FLT1: variants seen among roughly 807,000 people sequenced by gnomAD.
FLT1 encodes fms related receptor tyrosine kinase 1.
In FLT1, 49 loss-of-function variants were observed where a neutral mutation model predicts 156.3. The ratio of observed to expected loss-of-function variants is 0.31; its 90% CI spans 0.25 to 0.40. The LOEUF (loss-of-function observed/expected upper bound fraction) is 0.40. Ranked by LOEUF, FLT1 falls within the 10% of genes least tolerant of loss-of-function variation. FLT1 has a pLI of 1.00. For missense variants in FLT1, 1,322 were observed against 1,637.2 expected (o/e 0.81, Z 3.32); for synonymous variants, 594 against 583.8 (o/e 1.02, Z -0.25).
intron 10 of FLT1, among the ~76,000 whole-genome samples, chr13:28,424,492 A>T (rs1593777065): frequency 6.6e-6 from 1 of 152,270 alleles, no homozygotes; most frequent in African/African-American, 2.4e-5. Flanking sequence ...AACTATCGGT[A>T]GTTATAATAA....
chr13:28,377,962 TA>T (rs958016118), intron 14 of FLT1, among the ~76,000 whole-genome samples: 2 of 152,118 alleles, frequency 1.3e-5, no homozygotes, highest in South Asian at 2.1e-4. Context: ...GTCTAGTTTT[TA>T]AAAAAAATGC....
At chr13:28,432,536 T>G (rs1216082413) in intron 6 of FLT1, among the ~76,000 whole-genome samples, 9 of 152,182 alleles carry the variant, frequency 5.9e-5, no homozygotes. Context: ...TGTTTTAGAA[T>G]TGCTTCGCCC....
chr13:28,329,990 A>G (rs1249281952), intron 18 of FLT1, among the ~76,000 whole-genome samples: 3 of 152,228 alleles, frequency 2.0e-5, no homozygotes, highest in Non-Finnish European at 4.4e-5. Flanking sequence ...AGTTCTCTTC[A>G]GCAATGCGCT....
chr13:28,327,607 G>A, intron 19 of FLT1, 57 bp from the exon 20 acceptor site: 3 of 1,246,574 alleles, frequency 2.4e-6, no homozygotes, highest in Admixed American at 3.4e-5. Context: ...TCAGCCATTT[G>A]CCAGCCTTCA....
intron 14 of FLT1, among the ~76,000 whole-genome samples, chr13:28,360,455 G>A (rs1207597863): frequency 2.0e-5 from 3 of 152,162 alleles, no homozygotes; most frequent in African/African-American, 7.2e-5. Context: ...ATCAATGGAT[G>A]AATAGATTTT....
intron 10 of FLT1, among the ~76,000 whole-genome samples, chr13:28,407,038 G>A (rs1230942345): frequency 1.3e-5 from 2 of 152,108 alleles, no homozygotes; most frequent in Non-Finnish European, 2.9e-5. Context: ...CTCCTGCAGA[G>A]TACTCACCAC....
chr13:28,462,818 A>G (rs544889309), intron 3 of FLT1, among the ~76,000 whole-genome samples: 2 of 152,280 alleles, frequency 1.3e-5, no homozygotes, highest in Non-Finnish European at 2.9e-5. Context: ...CCACGACCAA[A>G]GTGAACTCAG....
intron 16 of FLT1, among the ~76,000 whole-genome samples, chr13:28,342,007 C>T (rs544791856): frequency 2.6e-4 from 39 of 152,176 alleles, no homozygotes; most frequent in African/African-American, 8.9e-4. Flanking sequence ...TTCAGCTTCC[C>T]GAGTAGCTAG....
At chr13:28,379,424 G>A (rs1290512520) in intron 14 of FLT1, among the ~76,000 whole-genome samples, 2 of 152,192 alleles carry the variant, frequency 1.3e-5, no homozygotes, top group Non-Finnish European at 2.9e-5. Context: ...ACTGAAGGCA[G>A]CCCATGGCCC....
At chr13:28,471,558 T>C (rs1176615250) in intron 1 of FLT1, among the ~76,000 whole-genome samples, 1 of 152,188 alleles carries the variant, frequency 6.6e-6, no homozygotes, top group Non-Finnish European at 1.5e-5. Flanking sequence ...TAGATGTGTA[T>C]GTACGTACCC....
chr13:28,303,463 C>T, intron 29 of FLT1, 95 bp from the exon 30 acceptor site: 1 of 1,004,112 alleles, frequency 1.0e-6, no homozygotes, highest in Non-Finnish European at 1.5e-6. Flanking sequence ...GTCATTTGTT[C>T]ATACCTGTCT....
At chr13:28,399,049 G>A (rs1875256002) in intron 11 of FLT1, 1 of 1,549,302 alleles carries the variant, frequency 6.5e-7, no homozygotes, top group Non-Finnish European at 8.7e-7. Flanking sequence ...TAGAGTCACG[G>A]AAGGAAATGG....
At chr13:28,372,048 G>GTGTGTATATA (rs1288888215) in intron 14 of FLT1, among the ~76,000 whole-genome samples, 8 of 75,584 alleles carry the variant, frequency 1.1e-4, no homozygotes, top group Admixed American at 3.2e-4. Flanking sequence ...GTGTGTGTGT[G>GTGTGTATATA]TATATATATA....
rs7490232 is a variant in FLT1, at chr13:28,473,839, G to A, written c.65-6222C>T. 9.7e-3 allele frequency among the ~76,000 whole-genome samples: 811 copies of A among 83,246 alleles called. 15 individuals are homozygous for A. The highest frequency in any genetic ancestry group is 0.029 in the African/African-American group (534 of 18,480). 54.6% of individuals were successfully genotyped at this position (83,246 alleles called of 152,430 possible). A position where few individuals can be genotyped will look rare whatever the true frequency, so the allele number is the denominator to read the frequency against. On this transcript the variant is annotated intron_variant, in intron 1 of 29. Transcript: ENST00000282397. The stretch of plus-strand genomic sequence containing the variant: ...GAAAGAAAGAAAGAAAGAAAGAAAG[G>A]AAGAAAGAAAGAAAGAAAGAAAGAA...
chr13:28,371,078 A>G (rs1444640450), intron 14 of FLT1, among the ~76,000 whole-genome samples: 1 of 152,222 alleles, frequency 6.6e-6, no homozygotes, highest in African/African-American at 2.4e-5. Context: ...TTTGACATAG[A>G]AAGACCTCCA....
Position 28,466,068 on chromosome 13 carries a change from T to A in FLT1, c.388+835A>T, listed in dbSNP as rs139106579. On this transcript the variant is annotated intron_variant, in intron 3 of 29. Coordinates refer to ENST00000282397, the MANE Select transcript of FLT1 (RefSeq NM_002019.4). ...TGTGTTCTCTACAGCCTTGTTTGTG[T>A]GTGTGCGTTTTTTTCTTTAATCCCC... Among the ~76,000 whole-genome samples, 18 of 152,302 alleles carry A rather than the reference T, an allele frequency of 1.2e-4. 1 individual carries two copies. Among genetic ancestry groups the A allele is most frequent in the Admixed American group, 3.9e-4 (6 of 15,296 alleles).
chr13:28,473,645 A>AAAAGAAAGAAAGAAAGAAAG (rs760581592), intron 1 of FLT1, among the ~76,000 whole-genome samples: 2 of 79,574 alleles, frequency 2.5e-5, no homozygotes, highest in African/African-American at 8.7e-5. Context: ...ACTATATCTC[A>AAAAGAAAGAAAGAAAGAAAG]AAAGAAAGAA....
intron 1 of FLT1, 82 bp downstream of exon 1, chr13:28,494,698 C>T: frequency 8.8e-7 from 1 of 1,138,152 alleles, no homozygotes; most frequent in South Asian, 1.3e-5. Flanking sequence ...CCCGCGTGCA[C>T]CCCGCCCTGG....
intron 3 of FLT1, among the ~76,000 whole-genome samples, chr13:28,443,904 T>C (rs556065471): frequency 1.3e-5 from 2 of 152,220 alleles, no homozygotes; most frequent in South Asian, 4.1e-4. Context: ...GGAGTAGTTA[T>C]ACTAACATCA....
Sources: gnomAD v4.1 joint callset for allele counts (sites outside exome capture counted in the v4.1 genomes callset) on GRCh38, gnomAD v4.1.1 for gene constraint, MANE v1.5 for transcripts, NCBI Gene and HGNC (gene_info 2026-07-23, HGNC 2026-07-21) for gene names.